The following DDAH1 variants were observed in gnomAD, a reference collection of about 807,000 sequenced individuals.
The protein encoded by DDAH1 is N(G),N(G)-dimethylarginine dimethylaminohydrolase 1.
In DDAH1, 19 loss-of-function variants were observed where a neutral mutation model predicts 28.8. The ratio of observed to expected loss-of-function variants is 0.66; its 90% CI spans 0.46 to 0.97. The LOEUF (loss-of-function observed/expected upper bound fraction) is 0.97. Among genes scored for constraint, DDAH1 ranks in the 50% least tolerant of loss-of-function variants. DDAH1 has a pLI of 0.00. For missense variants in DDAH1, 326 were observed against 375.9 expected, an observed-to-expected ratio of 0.87 and a Z score of 1.10; for synonymous variants, 153 against 154.4, an observed-to-expected ratio of 0.99 and a Z score of 0.07.
At chr1:85,543,305 T>A (rs2100787353) in intron 1 of DDAH1, among the ~76,000 whole-genome samples, 1 of 152,306 alleles carries the variant, frequency 6.6e-6, no homozygotes, top group South Asian at 2.1e-4. Flanking sequence ...ATTTTGTTGT[T>A]TTGAAGAGAA....
intron 1 of DDAH1, among the ~76,000 whole-genome samples, chr1:85,550,409 C>A (rs143360713): frequency 0.013 from 1,911 of 152,306 alleles, 13 homozygotes; most frequent in Non-Finnish European, 0.019. Context: ...CCTCTCCCTT[C>A]ACCCCACCTC....
intron 1 of DDAH1, among the ~76,000 whole-genome samples, chr1:85,443,543 G>A (rs1224911830): frequency 6.6e-6 from 1 of 152,202 alleles, no homozygotes; most frequent in Non-Finnish European, 1.5e-5. Context: ...CTTTAAAGTA[G>A]TTTTTTCCAA....
chr1:85,427,194 C>T (rs1653440934), intron 1 of DDAH1, among the ~76,000 whole-genome samples: 1 of 150,914 alleles, frequency 6.6e-6, no homozygotes, highest in Non-Finnish European at 1.5e-5. Context: ...CATTTAAACG[C>T]TACTAAGTTC....
chr1:85,458,327 C>T (rs1654989359), intron 1 of DDAH1, among the ~76,000 whole-genome samples: 1 of 151,772 alleles, frequency 6.6e-6, no homozygotes, highest in South Asian at 2.1e-4. Context: ...CTATGTGATG[C>T]TACTGCTCCT....
chr1:85,427,820 A>G (rs532038670), intron 1 of DDAH1, among the ~76,000 whole-genome samples: 38 of 150,740 alleles, frequency 2.5e-4, no homozygotes, highest in African/African-American at 8.5e-4. Flanking sequence ...CACCTCATAA[A>G]CATGTTATGT....
intron 1 of DDAH1, among the ~76,000 whole-genome samples, chr1:85,559,456 A>G (rs1298136319): frequency 6.6e-6 from 1 of 152,218 alleles, no homozygotes; most frequent in African/African-American, 2.4e-5. Flanking sequence ...TCAGTTAAAA[A>G]TTACTGGACA....
intron 1 of DDAH1, among the ~76,000 whole-genome samples, chr1:85,523,708 C>T (rs1398998362): frequency 6.6e-6 from 1 of 152,056 alleles, no homozygotes; most frequent in Non-Finnish European, 1.5e-5. Flanking sequence ...AAAGCAAATG[C>T]CCAAAAAGTA....
intron 1 of DDAH1, among the ~76,000 whole-genome samples, chr1:85,570,590 G>T (rs1328270075): frequency 6.6e-6 from 1 of 152,044 alleles, no homozygotes; most frequent in Non-Finnish European, 1.5e-5. Flanking sequence ...ATTTCCTCTG[G>T]AATCTGTCAT....
intron 1 of DDAH1, among the ~76,000 whole-genome samples, chr1:85,512,924 C>T (rs1236254280): frequency 6.6e-6 from 1 of 152,108 alleles, no homozygotes; most frequent in Non-Finnish European, 1.5e-5. Context: ...GGCCATACAG[C>T]CTAAGGTAAT....
chr1:85,335,819 G>C (rs1280821326), intron 4 of DDAH1, among the ~76,000 whole-genome samples: 1 of 151,920 alleles, frequency 6.6e-6, no homozygotes, highest in African/African-American at 2.4e-5. Flanking sequence ...AAAATTAGCT[G>C]GGCATGGTGG....
chr1:85,487,612 T>C (rs1656247664), intron 2 of DDAH1, among the ~76,000 whole-genome samples: 1 of 152,228 alleles, frequency 6.6e-6, no homozygotes, highest in Non-Finnish European at 1.5e-5. Flanking sequence ...ATTTTATTTA[T>C]TTAATTCCTT....
At position 85,479,159 on chromosome 1, in the gene DDAH1, C is replaced by CTTT. The variant is rs35629726; in HGVS notation, c.-7+17004_-7+17006dup. 1.8e-3 allele frequency among the ~76,000 whole-genome samples: 143 copies of CTTT among 78,638 alleles called. 2 individuals are homozygous for CTTT. The highest frequency in any genetic ancestry group is 2.9e-3 in the Admixed American group (16 of 5,434). The allele number at this position is 78,638 out of a possible 152,430, so 51.6% of individuals were successfully genotyped here. On this transcript the variant is annotated intron_variant, in intron 2 of 6. Transcript: ENST00000426972. ...ATTATTTTTCCTCCCTTCTGTTTTTCTTTTTTTTTTTTTTTTTTTTTTTTT... is the reference window on the plus strand; with the variant it reads ...ATTATTTTTCCTCCCTTCTGTTTTTCTTTTTTTTTTTTTTTTTTTTTTTTTTTT...
chr1:85,420,183 C>T (rs1317459134), intron 1 of DDAH1, among the ~76,000 whole-genome samples: 2 of 152,094 alleles, frequency 1.3e-5, no homozygotes, highest in African/African-American at 2.4e-5. Context: ...GCCTCCTAGG[C>T]CTCAGGGCCT....
chr1:85,380,904 C>T (rs1650949013), intron 1 of DDAH1, among the ~76,000 whole-genome samples: 1 of 152,132 alleles, frequency 6.6e-6, no homozygotes, highest in Non-Finnish European at 1.5e-5. Context: ...TAAAACACAT[C>T]TGGCACTCTG....
At chr1:85,545,664 T>A (rs1427763184) in intron 1 of DDAH1, among the ~76,000 whole-genome samples, 1 of 152,174 alleles carries the variant, frequency 6.6e-6, no homozygotes, top group Non-Finnish European at 1.5e-5. Flanking sequence ...CCTCCTAATT[T>A]TCTCCTAGCC....
chr1:85,440,331 C>A (rs1654135957), intron 1 of DDAH1, among the ~76,000 whole-genome samples: 1 of 152,164 alleles, frequency 6.6e-6, no homozygotes, highest in African/African-American at 2.4e-5. Flanking sequence ...CTTCAATCTT[C>A]TTTGGAATTC....
chr1:85,390,891 T>C (rs575782370), intron 1 of DDAH1, among the ~76,000 whole-genome samples: 2 of 152,340 alleles, frequency 1.3e-5, no homozygotes, highest in African/African-American at 2.4e-5. Flanking sequence ...TTATAATGGC[T>C]ACTATGCAGA....
intron 1 of DDAH1, among the ~76,000 whole-genome samples, chr1:85,392,968 G>A (rs947765407): frequency 2.6e-5 from 4 of 152,046 alleles, no homozygotes; most frequent in African/African-American, 9.7e-5. Flanking sequence ...TAAAAGTCCT[G>A]CAGTTTCCAA....
intron 1 of DDAH1, among the ~76,000 whole-genome samples, chr1:85,518,430 G>A (rs1293182030): frequency 1.3e-5 from 2 of 152,168 alleles, no homozygotes; most frequent in African/African-American, 4.8e-5. Context: ...CCATGTGGTT[G>A]TAAGACCGAG....
Sources: allele counts gnomAD v4.1 joint callset (sites outside exome capture counted in the v4.1 genomes callset), GRCh38; gene constraint gnomAD v4.1.1; transcripts MANE v1.5; gene names NCBI Gene and HGNC (gene_info 2026-07-23, HGNC 2026-07-21).